Variants in TBC1D22A observed in about 807,000 individuals in gnomAD.
TBC1D22A encodes the protein putative GTPase activator.
A neutral mutation model predicts 60.2 loss-of-function variants in TBC1D22A; 38 were observed. The ratio of observed to expected loss-of-function variants is 0.63; its 90% confidence interval spans 0.49 to 0.83. The LOEUF (loss-of-function observed/expected upper bound fraction) is 0.83, where lower values mean the gene tolerates loss of function less well. Ranked by LOEUF, TBC1D22A falls within the 40% of genes least tolerant of loss-of-function variation. TBC1D22A has a pLI of 0.00. For synonymous variants in TBC1D22A, 302 were observed against 281.7 expected (o/e 1.07, Z -0.72); for missense variants, 628 against 701.0 (o/e 0.90, Z 1.18).
At chr22:47,064,611 G>A (rs1321364859) in intron 11 of TBC1D22A, among the ~76,000 whole-genome samples, 1 of 152,234 alleles carries the variant, frequency 6.6e-6, no homozygotes, top group Non-Finnish European at 1.5e-5. Context: ...GCTCAGCACT[G>A]CCCCCTCGTC....
rs372880539 is a variant in TBC1D22A, at chr22:46,974,411, C to T, written c.1125+12C>T. On this transcript the variant is annotated intron_variant, in intron 9 of 12. Transcript: ENST00000337137. ...TGGATGGCATTCAGGTGAGCGCCCGCGCCCACGGGACACAGCCCACGCCCA... is the reference window on the plus strand; with the variant it reads ...TGGATGGCATTCAGGTGAGCGCCCGTGCCCACGGGACACAGCCCACGCCCA... The T allele has an allele frequency of 2.3e-5, 36 of 1,599,262 alleles. No homozygotes were observed. The highest frequency in any genetic ancestry group is 2.7e-5 in the African/African-American group (2 of 74,728).
chr22:46,898,977 C>T (rs565318344), intron 7 of TBC1D22A, among the ~76,000 whole-genome samples: 8 of 152,280 alleles, frequency 5.3e-5, no homozygotes, highest in East Asian at 1.9e-4. Context: ...TGCTGATCCT[C>T]TCCAGGTCCC....
At chr22:47,063,534 C>G (rs1249233584) in intron 11 of TBC1D22A, among the ~76,000 whole-genome samples, 1 of 152,126 alleles carries the variant, frequency 6.6e-6, no homozygotes, top group Non-Finnish European at 1.5e-5. Flanking sequence ...AGCCTCGTGC[C>G]TGCTGGGGGT....
intron 8 of TBC1D22A, among the ~76,000 whole-genome samples, chr22:46,948,333 A>G (rs1281122198): frequency 1.3e-5 from 2 of 152,196 alleles, no homozygotes; most frequent in Admixed American, 6.5e-5. Context: ...ACAGTATTAG[A>G]GTTTCCCACC....
chr22:47,005,579 G>A (rs114589652), intron 10 of TBC1D22A, among the ~76,000 whole-genome samples: 2 of 147,560 alleles, frequency 1.4e-5, no homozygotes, highest in Non-Finnish European at 3.0e-5. Context: ...AAACATACAC[G>A]CAAACCTATA....
intron 4 of TBC1D22A, among the ~76,000 whole-genome samples, chr22:46,827,106 A>G (rs2086102167): frequency 6.6e-6 from 1 of 152,026 alleles, no homozygotes; most frequent in South Asian, 2.1e-4. Context: ...TATCTTCACG[A>G]CCTATTTATA....
chr22:46,969,167 G>A (rs547146056), intron 8 of TBC1D22A, among the ~76,000 whole-genome samples: 4 of 152,288 alleles, frequency 2.6e-5, no homozygotes, highest in Admixed American at 1.3e-4. Flanking sequence ...ATTTATCTGA[G>A]GAAGAGACAG....
intron 11 of TBC1D22A, among the ~76,000 whole-genome samples, chr22:47,066,317 C>T (rs769677470): frequency 3.3e-5 from 5 of 152,098 alleles, no homozygotes; most frequent in Non-Finnish European, 7.4e-5. Context: ...TGGGTGGCAC[C>T]CACGAGGGGG....
At chr22:46,921,590 C>A (rs574464873) in intron 8 of TBC1D22A, among the ~76,000 whole-genome samples, 1 of 152,154 alleles carries the variant, frequency 6.6e-6, no homozygotes, top group Non-Finnish European at 1.5e-5. Flanking sequence ...ATTGATATTC[C>A]TTTGGGTGTA....
intron 11 of TBC1D22A, among the ~76,000 whole-genome samples, chr22:47,045,382 C>T (rs1054694738): frequency 7.2e-5 from 11 of 152,174 alleles, no homozygotes; most frequent in African/African-American, 2.7e-4. Context: ...ACTCTGCAGA[C>T]GTCCAGCTCC....
chr22:46,765,987 G>A lies in TBC1D22A; in HGVS notation c.62+3139G>A, dbSNP rs2083270916. ...TGTGTGTGTGTGTGTGTGTGTGTGT[G>A]TGTGTGTGTGTGTGTGTGTATTTTT... On this transcript the variant is annotated intron_variant, in intron 1 of 12. Coordinates refer to ENST00000337137, the MANE Select transcript of TBC1D22A (RefSeq NM_014346.5). Among the ~76,000 whole-genome samples, 5 of 138,544 alleles carry A rather than the reference G, an allele frequency of 3.6e-5. No homozygotes were observed. The South Asian group carries it at 1.2e-3, about 33-fold the overall frequency. 90.9% of individuals were successfully genotyped at this position (138,544 alleles called of 152,430 possible).
At chr22:46,989,772 C>G (rs2074867056) in intron 9 of TBC1D22A, among the ~76,000 whole-genome samples, 1 of 151,618 alleles carries the variant, frequency 6.6e-6, no homozygotes, top group Admixed American at 6.6e-5. Flanking sequence ...CACACACACA[C>G]ACACACACAC....
chr22:47,027,963 A>C (rs977979848), intron 10 of TBC1D22A, among the ~76,000 whole-genome samples: 1 of 152,154 alleles, frequency 6.6e-6, no homozygotes, highest in African/African-American at 2.4e-5. Flanking sequence ...GGGCCCCTGG[A>C]GCTTCAGGCA....
At chr22:46,946,232 G>A (rs111365132) in intron 8 of TBC1D22A, among the ~76,000 whole-genome samples, 1 of 152,222 alleles carries the variant, frequency 6.6e-6, no homozygotes, top group Non-Finnish European at 1.5e-5. Context: ...GACAGTACCC[G>A]CTTGGGCCTG....
chr22:47,145,289 C>T (rs967034929), intron 12 of TBC1D22A, among the ~76,000 whole-genome samples: 1 of 152,164 alleles, frequency 6.6e-6, no homozygotes, highest in Non-Finnish European at 1.5e-5. Flanking sequence ...CAGGTGACTG[C>T]CAGGGCCATT....
chr22:46,855,355 G>A (rs1050450272), intron 4 of TBC1D22A, among the ~76,000 whole-genome samples: 3 of 152,152 alleles, frequency 2.0e-5, no homozygotes, highest in Admixed American at 2.0e-4. Context: ...GTTTTGTATT[G>A]TTACTTTTTG....
chr22:46,943,244 A>T lies in TBC1D22A; in HGVS notation c.1016-31046A>T, dbSNP rs577531075. On this transcript the variant is annotated intron_variant, in intron 8 of 12. Coordinates refer to ENST00000337137, the MANE Select transcript of TBC1D22A (RefSeq NM_014346.5). ...GGCATCCATCTCGGTGTAATTAATG[A>T]GCCTCCTCTCCCACTCAGAAGCCAG... Among the ~76,000 whole-genome samples, 5 of 152,210 alleles carry T rather than the reference A, an allele frequency of 3.3e-5. No individual in the cohort carries two copies. The East Asian group carries it at 7.7e-4, about 23-fold the overall frequency.
At chr22:47,072,283 T>C (rs544057265) in intron 11 of TBC1D22A, among the ~76,000 whole-genome samples, 1 of 152,130 alleles carries the variant, frequency 6.6e-6, no homozygotes, top group Non-Finnish European at 1.5e-5. Context: ...TGAAGCTCAG[T>C]CCCCACTCGT....
intron 12 of TBC1D22A, among the ~76,000 whole-genome samples, chr22:47,143,420 A>C (rs2067177734): frequency 6.6e-6 from 1 of 152,256 alleles, no homozygotes; most frequent in African/African-American, 2.4e-5. Flanking sequence ...GGAATTAGGA[A>C]GTAGAAGCCC....
Sources: allele counts gnomAD v4.1 joint callset (sites outside exome capture counted in the v4.1 genomes callset), GRCh38; gene constraint gnomAD v4.1.1; transcripts MANE v1.5; gene names NCBI Gene and HGNC (gene_info 2026-07-23, HGNC 2026-07-21).